PDE4D: variants seen among roughly 807,000 people sequenced by gnomAD.
The protein encoded by PDE4D is phosphodiesterase 4D.
A neutral mutation model predicts 87.4 loss-of-function variants in PDE4D; 24 were observed. That is an observed-to-expected ratio of 0.27 (90% confidence interval 0.20 to 0.39). The LOEUF is 0.39. Among genes scored for constraint, PDE4D ranks in the 10% least tolerant of loss-of-function variants. The pLI, the probability that PDE4D is intolerant of heterozygous loss-of-function variation, is 1.00. For synonymous variants in PDE4D, 384 were observed against 383.2 expected, an observed-to-expected ratio of 1.00 and a Z score of -0.02; for missense variants, 714 against 1,041.0, an observed-to-expected ratio of 0.69 and a Z score of 4.32.
At chr5:59,439,659 A>G (rs1223644621) in intron 1 of PDE4D, among the ~76,000 whole-genome samples, 2 of 152,194 alleles carry the variant, frequency 1.3e-5, no homozygotes, top group East Asian at 3.8e-4. Context: ...TATAAGAGAA[A>G]TGATAACTGA....
chr5:59,913,752 C>T (rs1315162628), intron 3 of PDE4D, among the ~76,000 whole-genome samples: 1 of 151,820 alleles, frequency 6.6e-6, no homozygotes, highest in Non-Finnish European at 1.5e-5. Context: ...CTTATATATG[C>T]TTTAAATATT....
intron 6 of PDE4D, among the ~76,000 whole-genome samples, chr5:59,023,479 A>C (rs1435942576): frequency 5.9e-5 from 9 of 151,970 alleles, no homozygotes; most frequent in Admixed American, 5.9e-4. Flanking sequence ...AAAAAAAAAA[A>C]AAAAAGTTAA....
At chr5:60,489,511 G>T (rs774425649), upstream of PDE4D, 4 of 152,158 alleles carry the variant, frequency 2.6e-5, no homozygotes, top group Non-Finnish European at 4.4e-5. Context: ...GAAAAACGTT[G>T]CAATAGACAG....
chr5:60,452,539 A>T (rs1278680619), intron 1 of PDE4D, among the ~76,000 whole-genome samples: 3 of 152,126 alleles, frequency 2.0e-5, no homozygotes, highest in Non-Finnish European at 4.4e-5. Context: ...TAAAGAAGAC[A>T]ATGATATGAA....
chr5:59,013,511 T>TATA lies in PDE4D; in HGVS notation c.922-20047_922-20046insTAT, dbSNP rs142355159. Among the ~76,000 whole-genome samples, 3 of 150,488 alleles carry TATA rather than the reference T, an allele frequency of 2.0e-5. No individual in the cohort carries two copies. In the East Asian group the frequency reaches 5.9e-4, roughly 29 times the overall value. On this transcript the variant is annotated intron_variant, in intron 6 of 14. Transcript: ENST00000340635. ...AGAGATACAAACTACCATCAGAGAA[T>TATA]AACACCTCTACACAAATAAACTAGA...
chr5:59,804,695 C>A (rs573791516), intron 1 of PDE4D, among the ~76,000 whole-genome samples: 2 of 152,310 alleles, frequency 1.3e-5, no homozygotes, highest in Non-Finnish European at 2.9e-5. Flanking sequence ...TACTTCATTT[C>A]ATAAAACTTA....
At chr5:59,343,667 T>C (rs1329765364) in intron 1 of PDE4D, among the ~76,000 whole-genome samples, 1 of 152,228 alleles carries the variant, frequency 6.6e-6, no homozygotes, top group Non-Finnish European at 1.5e-5. Context: ...GGTGTTGATT[T>C]CATGAATGCA....
chr5:60,036,934 A>G (rs2152864246), intron 2 of PDE4D, among the ~76,000 whole-genome samples: 1 of 152,340 alleles, frequency 6.6e-6, no homozygotes, highest in South Asian at 2.1e-4. Flanking sequence ...AAATACATAT[A>G]AAATCTGAAA....
At chr5:59,331,906 C>T (rs1192640508) in intron 1 of PDE4D, among the ~76,000 whole-genome samples, 1 of 152,194 alleles carries the variant, frequency 6.6e-6, no homozygotes. Context: ...TTAGCGCCAG[C>T]TTTTCTCAGT....
chr5:60,518,625 C>T (rs976716689), intron 1 of PDE4D, among the ~76,000 whole-genome samples: 1 of 152,302 alleles, frequency 6.6e-6, no homozygotes, highest in South Asian at 2.1e-4. Flanking sequence ...TCAAGGTAAA[C>T]AGATGCGTGA....
chr5:60,298,877 A>G (rs1203157328), intron 1 of PDE4D, among the ~76,000 whole-genome samples: 1 of 152,194 alleles, frequency 6.6e-6, no homozygotes, highest in Non-Finnish European at 1.5e-5. Flanking sequence ...CATTAGAAAT[A>G]TATCACAGTA....
At chr5:60,450,686 A>G (rs2150150992) in intron 1 of PDE4D, among the ~76,000 whole-genome samples, 1 of 152,280 alleles carries the variant, frequency 6.6e-6, no homozygotes, top group East Asian at 1.9e-4. Context: ...TCTATCTCCC[A>G]TGACACAAGA....
chr5:59,309,957 T>A (rs1469700653), intron 1 of PDE4D, among the ~76,000 whole-genome samples: 1 of 152,184 alleles, frequency 6.6e-6, no homozygotes, highest in Non-Finnish European at 1.5e-5. Context: ...CAACTCTGCT[T>A]ACGTGAGGTC....
chr5:59,083,355 T>G (rs1210350108), intron 5 of PDE4D, among the ~76,000 whole-genome samples: 2 of 152,126 alleles, frequency 1.3e-5, no homozygotes, highest in Non-Finnish European at 1.5e-5. Context: ...CGGTGTTGGA[T>G]GAAACTTTTC....
chr5:60,085,113 T>C (rs529604760), intron 2 of PDE4D, among the ~76,000 whole-genome samples: 2 of 152,312 alleles, frequency 1.3e-5, no homozygotes, highest in East Asian at 1.9e-4. Context: ...AAGAGTATAA[T>C]GAAGCAGTTG....
At chr5:59,412,060 T>G (rs969174517) in intron 1 of PDE4D, among the ~76,000 whole-genome samples, 19 of 152,306 alleles carry the variant, frequency 1.2e-4, no homozygotes, top group African/African-American at 4.6e-4. Flanking sequence ...ACAAGAGGGC[T>G]TTGTTGAGAA....
upstream of PDE4D, chr5:60,488,106 T>G (rs974071815): frequency 1.3e-5 from 2 of 152,640 alleles, no homozygotes; most frequent in African/African-American, 4.8e-5. Flanking sequence ...TCTATGAAAC[T>G]GAGCTCCAGA....
intron 1 of PDE4D, among the ~76,000 whole-genome samples, chr5:60,461,386 AG>A (rs1335871368): frequency 2.6e-5 from 4 of 152,236 alleles, no homozygotes; most frequent in Admixed American, 2.6e-4. Context: ...CTCTATCTAC[AG>A]GCACCCAATA....
At chr5:59,767,319 A>T (rs1346919566) in intron 1 of PDE4D, among the ~76,000 whole-genome samples, 1 of 152,210 alleles carries the variant, frequency 6.6e-6, no homozygotes, top group African/African-American at 2.4e-5. Flanking sequence ...TGTAATGTAT[A>T]GAACCTACTA....
Sources: allele counts gnomAD v4.1 joint callset (sites outside exome capture counted in the v4.1 genomes callset), GRCh38; gene constraint gnomAD v4.1.1; transcripts MANE v1.5; gene names NCBI Gene and HGNC (gene_info 2026-07-23, HGNC 2026-07-21).